ST7L: variants seen among roughly 807,000 people sequenced by gnomAD.
ST7L encodes suppression of tumorigenicity 7 like.
Under a neutral mutation model 72.5 loss-of-function variants are expected in ST7L, and 57 were observed. That is an observed-to-expected ratio of 0.79 (90% CI 0.64 to 0.98). ST7L has a LOEUF of 0.98. Ranked by LOEUF, ST7L falls within the 50% of genes least tolerant of loss-of-function variation. The pLI, the probability that ST7L is intolerant of heterozygous loss-of-function variation, is 0.00. For synonymous variants in ST7L, 221 were observed against 240.9 expected (o/e 0.92, Z 0.77); for missense variants, 576 against 672.2 (o/e 0.86, Z 1.58).
chr1:112,600,511 C>G (rs111419838), intron 4 of ST7L, among the ~76,000 whole-genome samples: 3,069 of 152,032 alleles, frequency 0.02, 106 homozygotes, highest in African/African-American at 0.069. Flanking sequence ...CAGGAGAATT[C>G]CTTGAGCCCA....
chr1:112,566,083 A>G (rs1334872476), intron 11 of ST7L, among the ~76,000 whole-genome samples: 7 of 152,036 alleles, frequency 4.6e-5, no homozygotes, highest in Non-Finnish European at 8.8e-5. Flanking sequence ...ACACTCAGAC[A>G]CTGTGTTAAG....
chr1:112,595,698 C>G (rs1666383854), intron 5 of ST7L, among the ~76,000 whole-genome samples: 1 of 152,120 alleles, frequency 6.6e-6, no homozygotes, highest in Non-Finnish European at 1.5e-5. Flanking sequence ...GGATTACAGG[C>G]ATAAGCCACT....
intron 11 of ST7L, 95 bp from the exon 12 acceptor site, chr1:112,556,113 A>C: frequency 1.0e-6 from 1 of 979,888 alleles, no homozygotes; most frequent in Non-Finnish European, 1.4e-6. Flanking sequence ...GTAGATTCAA[A>C]GTGTTAGAAA....
At chr1:112,612,387 C>T (rs994414706) in intron 2 of ST7L, among the ~76,000 whole-genome samples, 7 of 152,134 alleles carry the variant, frequency 4.6e-5, no homozygotes, top group African/African-American at 1.7e-4. Flanking sequence ...TGTAAGCTAC[C>T]ATGACCGGCC....
chr1:112,531,617 T>C (rs966276417), intron 14 of ST7L, among the ~76,000 whole-genome samples: 1 of 152,206 alleles, frequency 6.6e-6, no homozygotes, highest in Non-Finnish European at 1.5e-5. Flanking sequence ...TATTCAAGGA[T>C]GAACTCATCT....
downstream of ST7L, among the ~76,000 whole-genome samples, chr1:112,520,108 G>C (rs1045661067): frequency 2.0e-5 from 3 of 152,118 alleles, no homozygotes; most frequent in African/African-American, 7.2e-5. Flanking sequence ...CTGGACTCAA[G>C]GATTCCTTCT....
intron 4 of ST7L, among the ~76,000 whole-genome samples, chr1:112,600,226 C>T (rs761882309): frequency 6.6e-5 from 10 of 151,686 alleles, no homozygotes; most frequent in Non-Finnish European, 1.3e-4. Flanking sequence ...TTAGTAGAGA[C>T]GGGGTTTCAC....
At chr1:112,612,425 T>A (rs1476969408) in intron 2 of ST7L, among the ~76,000 whole-genome samples, 1 of 152,174 alleles carries the variant, frequency 6.6e-6, no homozygotes, top group South Asian at 2.1e-4. Flanking sequence ...AAAACTATTT[T>A]ACTATGACCA....
At chr1:112,569,952 T>C (rs1661772843) in intron 11 of ST7L, among the ~76,000 whole-genome samples, 1 of 136,284 alleles carries the variant, frequency 7.3e-6, no homozygotes, top group East Asian at 2.3e-4. Flanking sequence ...AGGAAGATTC[T>C]GTCTCAAAAA....
intron 4 of ST7L, among the ~76,000 whole-genome samples, chr1:112,598,640 TTGAGACACAAAA>T (rs951567539): frequency 6.6e-6 from 1 of 150,874 alleles, no homozygotes; most frequent in African/African-American, 2.4e-5. Context: ...GGATTGGGAA[TTGAGACACAAAA>T]TGAAGCCTGG....
intron 11 of ST7L, among the ~76,000 whole-genome samples, chr1:112,573,766 C>T (rs1297486456): frequency 3.3e-5 from 5 of 151,464 alleles, no homozygotes. Context: ...TGTTTGCTCA[C>T]ACCTGTAATC....
intron 11 of ST7L, among the ~76,000 whole-genome samples, chr1:112,556,992 A>AAAAAAAAAAAAAAAAAC: frequency 7.0e-6 from 1 of 143,474 alleles, no homozygotes; most frequent in African/African-American, 2.8e-5. Context: ...AAACAAAAAA[A>AAAAAAAAAAAAAAAAAC]AAAAAACACA....
At chr1:112,531,429 T>C (rs1033901835) in intron 14 of ST7L, among the ~76,000 whole-genome samples, 1 of 152,236 alleles carries the variant, frequency 6.6e-6, no homozygotes, top group Non-Finnish European at 1.5e-5. Flanking sequence ...GTACTCCACA[T>C]CACATATTTG....
chr1:112,554,832 T>C lies in ST7L; in HGVS notation c.1396+1036A>G, dbSNP rs1262599362. 2.0e-5 allele frequency among the ~76,000 whole-genome samples: 3 copies of C among 152,142 alleles called. No individual in the cohort carries two copies. In the East Asian group the frequency reaches 5.8e-4, roughly 29 times the overall value. On this transcript the variant is annotated intron_variant, in intron 12 of 14. Coordinates refer to ENST00000358039, the MANE Select transcript of ST7L (RefSeq NM_017744.5). Reference sequence around the variant, plus strand: ...ATGAAATTCTGATGCATATTACCAATATAAATGAATTTTGAAGATATTATA... The same window carrying C: ...ATGAAATTCTGATGCATATTACCAACATAAATGAATTTTGAAGATATTATA...
intron 1 of ST7L, chr1:112,617,407 T>A (rs2101094575): frequency 6.5e-6 from 1 of 152,930 alleles, no homozygotes; most frequent in South Asian, 2.0e-4. Context: ...GTACTGTGGG[T>A]TTTAGAAAGA....
intron 5 of ST7L, among the ~76,000 whole-genome samples, chr1:112,595,595 C>CT (rs1350549037): frequency 6.6e-6 from 1 of 151,742 alleles, no homozygotes; most frequent in Non-Finnish European, 1.5e-5. Context: ...GAATTTTAAA[C>CT]TTTTTTTGTA....
chr1:112,593,022 A>T (rs1267098756), intron 5 of ST7L, among the ~76,000 whole-genome samples: 1 of 152,184 alleles, frequency 6.6e-6, no homozygotes, highest in African/African-American at 2.4e-5. Flanking sequence ...TTTTTCAGGC[A>T]GTGTAACACA....
rs1383897326 is a variant in ST7L at position 112,610,052 on chromosome 1, T to C, written c.451+789A>G. The stretch of plus-strand genomic sequence containing the variant: ...GATTTGCTGGGCGTATATATATATA[T>C]ACACTGAGAAAATGATGAAAATTTC... On this transcript the variant is annotated intron_variant, in intron 3 of 14. Transcript: ENST00000358039. 6.6e-5 allele frequency among the ~76,000 whole-genome samples: 10 copies of C among 151,896 alleles called. 1 individual carries two copies. In the South Asian group the frequency reaches 1.2e-3, roughly 19 times the overall value.
intron 3 of ST7L, among the ~76,000 whole-genome samples, chr1:112,608,139 G>A (rs2101010078): frequency 6.6e-6 from 1 of 152,224 alleles, no homozygotes; most frequent in African/African-American, 2.4e-5. Context: ...TCCTGCCTCA[G>A]CCTCCCAAGT....
Sources: gnomAD v4.1 joint callset for allele counts (sites outside exome capture counted in the v4.1 genomes callset) on GRCh38, gnomAD v4.1.1 for gene constraint, MANE v1.5 for transcripts, NCBI Gene and HGNC (gene_info 2026-07-23, HGNC 2026-07-21) for gene names.